The following MPP2 variants were observed in gnomAD, a reference collection of about 807,000 sequenced individuals.
MPP2 encodes MAGUK p55 subfamily member 2.
Under a neutral mutation model 58.5 loss-of-function variants are expected in MPP2, and 42 were observed. The observed-to-expected ratio is 0.72, with a 90% CI of 0.56 to 0.93. The LOEUF is 0.93. Ranked by LOEUF, MPP2 falls within the 40% of genes least tolerant of loss-of-function variation. MPP2 has a pLI of 0.00. For missense variants in MPP2, 632 were observed against 760.4 expected (o/e 0.83, Z 1.99); for synonymous variants, 300 against 307.8 (o/e 0.97, Z 0.26).
rs1363244449 is a variant in MPP2 at position 43,879,556 on chromosome 17, T to G, written c.1354-153A>C. Among the ~76,000 whole-genome samples, 1 of 151,612 alleles carries G rather than the reference T, an allele frequency of 6.6e-6. No homozygotes were observed. Among genetic ancestry groups the G allele is most frequent in the African/African-American group, 2.4e-5 (1 of 41,192 alleles). ...TCTGGGACATGAGTCCTGGGACAAA[T>G]GACAAACAGCTGGCAGGTGGCTGGG... On this transcript the variant is annotated intron_variant, in intron 11 of 12. Coordinates refer to ENST00000269095, the MANE Select transcript of MPP2 (RefSeq NM_005374.5). The surrounding 1 kb of genome is among the most constrained non-coding windows in gnomAD (Gnocchi z 4.1).
At chr17:43,898,472 A>C in intron 2 of MPP2, 92 bp from the exon 3 acceptor site, 21 of 436,276 alleles carry the variant, frequency 4.8e-5, no homozygotes, top group East Asian at 1.1e-4. Flanking sequence ...CCCCACCCCC[A>C]TGTCCCACAG....
chr17:43,904,609 G>C, intron 1 of MPP2, 116 bp from the exon 2 acceptor site: 1 of 771,296 alleles, frequency 1.3e-6, no homozygotes, highest in Non-Finnish European at 2.1e-6. Context: ...GTGCTGCCCA[G>C]AAAGTGGGGG....
intron 9 of MPP2, 25 bp downstream of exon 9, chr17:43,881,065 A>G: frequency 6.2e-7 from 1 of 1,611,468 alleles, no homozygotes; most frequent in Non-Finnish European, 8.5e-7. Flanking sequence ...GAGGAGGGTA[A>G]GGGAGGGGGC....
In MPP2 at chr17:43,879,360, A is replaced by G; in HGVS notation, c.1397T>C (p.Val466Ala). The G allele has an allele frequency of 6.2e-7, 1 of 1,614,152 alleles. No individual in the cohort carries two copies. The highest frequency in any genetic ancestry group is 8.5e-7 in the Non-Finnish European group (1 of 1,180,010). The change falls in exon 12 of 13, where the codon GTG becomes GCG. Residue 466 changes from valine (V) to alanine (A), a missense_variant. Val to Ala is a moderately conservative substitution (Grantham distance 64, BLOSUM62 0). Coordinates refer to ENST00000269095, the MANE Select transcript of MPP2 (RefSeq NM_005374.5). This position sits in a 1 kb window ranked among gnomAD's most constrained non-coding sequence, Gnocchi z 4.1. ...CTCGAAGTCTGGGGCCTCGATGAAC[A>G]CCACGTAAGGGACAAACTCGGCCGT... is the stretch of plus-strand genomic sequence containing the variant. ...LRTAEFVPYV[V>A]FIEAPDFETL... is the part of the protein sequence containing the mutation.
Position 43,880,860 on chromosome 17 carries a change from C to T in MPP2, c.989-8G>A, listed in dbSNP as rs766985066. ...GCTCATGACGGTCAAACTCTGGACA[C>T]AGGGAGATGGCGCTGCTCACCAGGC... On this transcript the variant is annotated splice_polypyrimidine_tract_variant and splice_region_variant and intron_variant, in intron 9 of 12. Coordinates refer to ENST00000269095, the MANE Select transcript of MPP2 (RefSeq NM_005374.5). This position sits in a 1 kb window ranked among gnomAD's most constrained non-coding sequence, Gnocchi z 5.2. 5.0e-6 allele frequency: 8 copies of T among 1,592,344 alleles called. No individual in the cohort carries two copies. The Admixed American group carries it at 1.2e-4, about 24-fold the overall frequency.
At chr17:43,895,629 G>A (rs927096848) in intron 3 of MPP2, among the ~76,000 whole-genome samples, 1 of 152,156 alleles carries the variant, frequency 6.6e-6, no homozygotes, top group African/African-American at 2.4e-5. Flanking sequence ...CTGCCTTCAT[G>A]GAAGTCTCTA....
At chr17:43,888,379 C>T (rs1484491876) in intron 3 of MPP2, among the ~76,000 whole-genome samples, 2 of 152,226 alleles carry the variant, frequency 1.3e-5, no homozygotes, top group African/African-American at 4.8e-5. Context: ...TGGTCTTCCA[C>T]AGACCCCTAT....
rs2048339947 is a variant in MPP2, at chr17:43,907,513, G to T, written c.-73C>A. The T allele has an allele frequency of 1.0e-6, 1 of 985,402 alleles. No individual in the cohort carries two copies. Among genetic ancestry groups the T allele is most frequent in the Non-Finnish European group, 1.2e-6 (1 of 829,972 alleles). 61.0% of individuals were successfully genotyped at this position (985,402 alleles called of 1,614,324 possible). A position where few individuals can be genotyped will look rare whatever the true frequency, so the allele number is the denominator to read the frequency against. On this transcript the variant is annotated 5_prime_UTR_variant, in exon 1 of 13. Coordinates refer to ENST00000269095, the MANE Select transcript of MPP2 (RefSeq NM_005374.5). ...GCCCCTAGCTCCGGGCGGCTCCAGC[G>T]CAGCCGGGCGCTCAGCGTTTATTGC...
At position 43,883,419 on chromosome 17, in the gene MPP2, G is replaced by C. The variant is rs1360567754; in HGVS notation, c.151-64C>G. The C allele has an allele frequency of 1.9e-6, 3 of 1,549,298 alleles. No individual in the cohort carries two copies. In the South Asian group the frequency reaches 3.6e-5, roughly 18 times the overall value. On this transcript the variant is annotated intron_variant, in intron 3 of 12. Transcript: ENST00000269095. ...CCCAGGAGCCCTGGGACACCAAGCA[G>C]GGTCCTCCCTCAGCCCCCAGGCATT...
rs1054695881 is a variant in MPP2 at position 43,904,142 on chromosome 17, G to C, written c.31+288C>G. 9.8e-5 allele frequency among the ~76,000 whole-genome samples: 15 copies of C among 152,304 alleles called. No individual in the cohort carries two copies. The East Asian group carries it at 2.7e-3, about 27-fold the overall frequency. ...TGCCACTGCCCTCCAGCAATAGTAC[G>C]GGTCACCTCTGGAGCATGCATCCCC... On this transcript the variant is annotated intron_variant, in intron 2 of 12. Transcript: ENST00000269095.
intron 3 of MPP2, among the ~76,000 whole-genome samples, chr17:43,892,006 G>A (rs1262885043): frequency 6.6e-6 from 1 of 152,204 alleles, no homozygotes; most frequent in Non-Finnish European, 1.5e-5. Context: ...TCTGTAGCTG[G>A]AACACCTGCT....
intron 6 of MPP2, 79 bp from the exon 7 acceptor site, chr17:43,881,668 T>C (rs1223608635): frequency 6.5e-7 from 1 of 1,530,138 alleles, no homozygotes; most frequent in Admixed American, 1.9e-5. Context: ...ATGCCCCCTC[T>C]TTTCACAGAG....
upstream of MPP2, chr17:43,908,039 C>T (rs899554383): frequency 4.3e-6 from 4 of 938,120 alleles, no homozygotes; most frequent in Non-Finnish European, 3.8e-6. Flanking sequence ...GGGTGGATAT[C>T]CGGATTCCAG....
Position 43,877,556 on chromosome 17 carries a change from CAG to C in MPP2, c.*249_*250del, listed in dbSNP as rs2046899532. On this transcript the variant is annotated 3_prime_UTR_variant, in exon 13 of 13. Transcript: ENST00000269095. ...ACATTCCTGGGCATAGCTTGGCCCT[CAG>C]AGATATCTGGTGACCAATGGGCATC... The C allele has an allele frequency of 1.9e-6, 1 of 513,076 alleles. No individual in the cohort carries two copies. 31.8% of individuals were successfully genotyped at this position (513,076 alleles called of 1,614,324 possible).
chr17:43,881,512 G>A lies in MPP2; in HGVS notation c.759C>T (p.Phe253=). The change falls in exon 7 of 13, where the codon TTC becomes TTT. Residue 253 remains phenylalanine, a synonymous_variant. Coordinates refer to ENST00000269095, the MANE Select transcript of MPP2 (RefSeq NM_005374.5). ...CGATCTGGAGCAAGTCCCCGGCGTT[G>A]AAGCGCAGGCCTGCTTCCTTGCAGG... ...LIPCKEAGLR[F]NAGDLLQIVN... 6.2e-7 allele frequency: 1 copy of A among 1,614,180 alleles called. No individual in the cohort carries two copies. The highest frequency in any genetic ancestry group is 8.5e-7 in the Non-Finnish European group (1 of 1,180,010).
intron 6 of MPP2, 53 bp from the exon 7 acceptor site, chr17:43,881,642 G>A: frequency 6.3e-7 from 1 of 1,592,886 alleles, no homozygotes; most frequent in Non-Finnish European, 8.5e-7. Flanking sequence ...GAAGGCTGCA[G>A]GTGGAGGTCT....
chr17:43,896,677 G>A (rs1426999771), intron 3 of MPP2, among the ~76,000 whole-genome samples: 1 of 152,050 alleles, frequency 6.6e-6, no homozygotes, highest in Non-Finnish European at 1.5e-5. Flanking sequence ...TCTGGATGGA[G>A]TCACCCCCAC....
At chr17:43,891,420 C>CAGG in intron 3 of MPP2, among the ~76,000 whole-genome samples, 1 of 151,864 alleles carries the variant, frequency 6.6e-6, no homozygotes, top group Admixed American at 6.6e-5. Context: ...GAGGCTGAGG[C>CAGG]AGGAGAATCG....
chr17:43,900,516 C>T (rs1021978911), intron 2 of MPP2: 33 of 1,548,748 alleles, frequency 2.1e-5, no homozygotes, highest in Middle Eastern at 1.7e-4. Context: ...AGGGATATAC[C>T]CTCCAAGGAG....
Sources: gnomAD v4.1 joint callset for allele counts (sites outside exome capture counted in the v4.1 genomes callset) on GRCh38, gnomAD v4.1.1 for gene constraint, Gnocchi (gnomAD v3.1) non-coding constraint, MANE v1.5 for transcripts, NCBI Gene and HGNC (gene_info 2026-07-23, HGNC 2026-07-21) for gene names.